Variants in AKAP13 observed in about 807,000 individuals in gnomAD.
AKAP13 encodes the protein A-kinase anchoring protein 13, also known as A-kinase anchor protein 13.
In AKAP13, 80 loss-of-function variants were observed where a neutral mutation model predicts 264.5. The observed-to-expected ratio is 0.30, with a 90% CI of 0.25 to 0.36. The LOEUF is 0.36. Among genes scored for constraint, AKAP13 ranks in the 10% least tolerant of loss-of-function variants. AKAP13 has a pLI of 1.00. For missense variants in AKAP13, 3,712 were observed against 3,435.2 expected (o/e 1.08, Z -2.01); for synonymous variants, 1,380 against 1,250.2 (o/e 1.10, Z -2.19).
At chr15:85,406,107 G>A (rs1172579369) in intron 1 of AKAP13, among the ~76,000 whole-genome samples, 6 of 152,124 alleles carry the variant, frequency 3.9e-5, no homozygotes, top group African/African-American at 9.7e-5. Flanking sequence ...CTGCCTTGGC[G>A]TCCCAAAGTG....
intron 1 of AKAP13, among the ~76,000 whole-genome samples, chr15:85,474,570 G>A (rs983865018): frequency 1.3e-5 from 2 of 152,184 alleles, no homozygotes; most frequent in Non-Finnish European, 2.9e-5. Context: ...TTTCATTGAA[G>A]CGATTAACAT....
rs149450353 is a variant in AKAP13, at chr15:85,510,541, T to A, written c.34-10887T>A. On this transcript the variant is annotated intron_variant, in intron 2 of 36. Transcript: ENST00000394518. ...TCAACATGATTTCATATAATGTTTG[T>A]ATTTTAAAAAATGATCCCAGTAATG... Among the ~76,000 whole-genome samples the A allele has an allele frequency of 1.2e-4, 18 of 152,374 alleles. No homozygotes were observed. In the East Asian group the frequency reaches 3.5e-3, roughly 29 times the overall value.
At chr15:85,534,211 G>A in intron 4 of AKAP13, 1 of 355,432 alleles carries the variant, frequency 2.8e-6, no homozygotes, top group Non-Finnish European at 5.1e-6. Flanking sequence ...ACTTTTTGGT[G>A]TTTAATGATC....
At chr15:85,459,778 C>T (rs1307032356) in intron 1 of AKAP13, among the ~76,000 whole-genome samples, 2 of 152,192 alleles carry the variant, frequency 1.3e-5, no homozygotes, top group African/African-American at 2.4e-5. Context: ...GGATTACAGG[C>T]GTGAGCCACT....
intron 1 of AKAP13, among the ~76,000 whole-genome samples, chr15:85,478,112 T>C (rs2075233625): frequency 6.6e-6 from 1 of 152,342 alleles, no homozygotes; most frequent in South Asian, 2.1e-4. Flanking sequence ...ATTATTGTGC[T>C]CATCATACTG....
intron 1 of AKAP13, among the ~76,000 whole-genome samples, chr15:85,459,219 T>G (rs2074408423): frequency 6.6e-6 from 1 of 152,212 alleles, no homozygotes; most frequent in South Asian, 2.1e-4. Context: ...TTCGTCTCAC[T>G]CTGTCACCCA....
chr15:85,398,539 A>G lies in AKAP13; in HGVS notation c.-12+17741A>G, dbSNP rs986115366. ...AAACAGGTTATAAAACATTTCATCAATGTACCTTTATATGATTTCTTTTTT... is the reference window on the plus strand; with the variant it reads ...AAACAGGTTATAAAACATTTCATCAGTGTACCTTTATATGATTTCTTTTTT... On this transcript the variant is annotated intron_variant, in intron 1 of 36. Transcript: ENST00000394518. 1.4e-4 allele frequency among the ~76,000 whole-genome samples: 22 copies of G among 152,230 alleles called. No homozygotes were observed. In the East Asian group the frequency reaches 3.9e-3, roughly 27 times the overall value.
chr15:85,664,124 G>A (rs1383244990), intron 12 of AKAP13, among the ~76,000 whole-genome samples: 2 of 152,184 alleles, frequency 1.3e-5, no homozygotes, highest in Non-Finnish European at 2.9e-5. Context: ...ATGGACATAA[G>A]GGCAAGTTAC....
intron 10 of AKAP13, among the ~76,000 whole-genome samples, chr15:85,647,071 G>C (rs2082592408): frequency 6.6e-6 from 1 of 152,200 alleles, no homozygotes; most frequent in African/African-American, 2.4e-5. Context: ...TGGGTGATTA[G>C]GTTGTCCAAG....
Position 85,612,859 on chromosome 15 carries a change from T to C in AKAP13, c.4162-26515T>C, listed in dbSNP as rs549286748. Reference sequence around the variant, plus strand: ...AAGAAAAAAAGAAAGAAAAAGTAAATGTGGAGAGAACATATTCTTCTTACC... The same window carrying C: ...AAGAAAAAAAGAAAGAAAAAGTAAACGTGGAGAGAACATATTCTTCTTACC... On this transcript the variant is annotated intron_variant, in intron 8 of 36. Transcript: ENST00000394518. 2.1e-4 allele frequency among the ~76,000 whole-genome samples: 31 copies of C among 149,210 alleles called. No homozygotes were observed. In the Middle Eastern group the frequency reaches 0.011, roughly 52 times the overall value.
chr15:85,560,477 CATA>C (rs1189326475), intron 5 of AKAP13, among the ~76,000 whole-genome samples: 1 of 152,112 alleles, frequency 6.6e-6, no homozygotes, highest in Non-Finnish European at 1.5e-5. Flanking sequence ...TTAAGTTGTA[CATA>C]ATAATATTCA....
intron 14 of AKAP13, among the ~76,000 whole-genome samples, chr15:85,675,859 A>G (rs539737829): frequency 2.0e-5 from 3 of 152,206 alleles, no homozygotes; most frequent in African/African-American, 7.2e-5. Context: ...AATGATTAGA[A>G]CACTTCAGGC....
intron 8 of AKAP13, among the ~76,000 whole-genome samples, chr15:85,586,742 A>G (rs1364805510): frequency 6.6e-6 from 1 of 152,094 alleles, no homozygotes; most frequent in Non-Finnish European, 1.5e-5. Flanking sequence ...CCCGACCAAC[A>G]TGGTGAAACC....
At chr15:85,703,657 C>G (rs1159979814) in intron 17 of AKAP13, among the ~76,000 whole-genome samples, 1 of 152,118 alleles carries the variant, frequency 6.6e-6, no homozygotes, top group Admixed American at 6.5e-5. Context: ...GCCTGGCCAA[C>G]ATGGCGAAAT....
At position 85,741,488 on chromosome 15, in the gene AKAP13, T is replaced by C; in HGVS notation, c.8051T>C (p.Leu2684Pro). ...AGCCAGCGGCAGACAGAACGGGACC[T>C]GTGTCAGGTAATGGGACTCCCTGCC... The part of the protein sequence containing the change: ...RLSQRQTERD[L>P]CQVSHPHTKL... Residue 2684 changes from leucine to proline, a missense_variant, in exon 35 of 37, where the codon CTG becomes CCG. Around this residue, in one of 3 missense-constraint regions of AKAP13, gnomAD observed 611 missense variants for 539.3 expected, o/e 1.13. Transcript: ENST00000394518. 1 of 1,585,306 alleles carries C rather than the reference T, an allele frequency of 6.3e-7. No homozygotes were observed. The highest frequency in any genetic ancestry group is 8.6e-7 in the Non-Finnish European group (1 of 1,161,736).
chr15:85,574,993 T>C, intron 5 of AKAP13, 138 bp from the exon 6 acceptor site: 1 of 685,486 alleles, frequency 1.5e-6, no homozygotes, highest in South Asian at 1.8e-5. Context: ...CTGAATCATT[T>C]GGGAGGTATA....
chr15:85,577,149 A>G (rs2079041239), intron 6 of AKAP13, among the ~76,000 whole-genome samples: 1 of 152,338 alleles, frequency 6.6e-6, no homozygotes, highest in Middle Eastern at 3.4e-3. Context: ...AAAGACTTTA[A>G]CAAGCATGAC....
chr15:85,657,090 GAGCCATGATC>G (rs2151523250), intron 11 of AKAP13, among the ~76,000 whole-genome samples: 1 of 152,212 alleles, frequency 6.6e-6, no homozygotes, highest in Admixed American at 6.5e-5. Context: ...AGGCTGCAGT[GAGCCATGATC>G]ATACCACTGC....
chr15:85,428,771 A>C (rs376651766), intron 1 of AKAP13, among the ~76,000 whole-genome samples: 4 of 152,218 alleles, frequency 2.6e-5, no homozygotes, highest in South Asian at 4.1e-4. Context: ...TACAGGAAAA[A>C]CAAAAATACC....
Sources: gnomAD v4.1 joint callset for allele counts (sites outside exome capture counted in the v4.1 genomes callset) on GRCh38, gnomAD v4.1.1 for gene constraint, gnomAD v4.1.1 regional missense constraint, MANE v1.5 for transcripts, NCBI Gene and HGNC (gene_info 2026-07-23, HGNC 2026-07-21) for gene names.